Variants in CTC1 observed in about 807,000 individuals in gnomAD.
CTC1 encodes the protein CST complex subunit CTC1.
In CTC1, 91 loss-of-function variants were observed where a neutral mutation model predicts 136.3. That is an observed-to-expected ratio of 0.67 (90% CI 0.56 to 0.79). The LOEUF is 0.79. Ranked by LOEUF, CTC1 falls within the 30% of genes least tolerant of loss-of-function variation. CTC1 has a pLI of 0.00. For synonymous variants in CTC1, 606 were observed against 613.8 expected, an observed-to-expected ratio of 0.99 and a Z score of 0.19; for missense variants, 1,432 against 1,498.1, an observed-to-expected ratio of 0.96 and a Z score of 0.73.
In CTC1 at chr17:8,237,407, G is replaced by A; in HGVS notation, c.760C>T (p.Pro254Ser). 6.2e-7 allele frequency: 1 copy of A among 1,613,876 alleles called. No individual in the cohort carries two copies. Among genetic ancestry groups the A allele is most frequent in the Non-Finnish European group, 8.5e-7 (1 of 1,179,970 alleles). The change falls in exon 5 of 23, where the codon CCA becomes TCA. Residue 254 changes from proline to serine, a missense_variant. Coordinates refer to ENST00000651323, the MANE Select transcript of CTC1 (RefSeq NM_025099.6). ...YFILSLGRSH[P>S]AVTHVSIIVQ... is the part of the protein sequence containing the mutation. ...ATGATGGACACGTGGGTGACAGCTGGGTGTGATCTACCAAGAGACAGGATG... is the reference window on the plus strand; with the variant it reads ...ATGATGGACACGTGGGTGACAGCTGAGTGTGATCTACCAAGAGACAGGATG...
intron 1 of CTC1, among the ~76,000 whole-genome samples, chr17:8,246,224 AAAAAAGGAGGG>A (rs1325871407): frequency 6.6e-6 from 1 of 151,578 alleles, no homozygotes; most frequent in East Asian, 1.9e-4. Flanking sequence ...AAAAAAAAAA[AAAAAAGGAGGG>A]AGGAAGAGGA....
chr17:8,238,366 G>C, intron 3 of CTC1, 26 bp downstream of exon 3: 2 of 1,597,074 alleles, frequency 1.3e-6, no homozygotes, highest in Non-Finnish European at 1.7e-6. Flanking sequence ...AGGATCTGAG[G>C]CATCTGATCT....
chr17:8,226,722 CTT>C lies in CTC1; in HGVS notation c.*1456_*1457del, dbSNP rs1986722422. ...TTAGGGCTTCGTTTTCATCCAATGC[CTT>C]TCTTACTTCCCTTGACTGACAAACA... On this transcript the variant is annotated 3_prime_UTR_variant, in exon 23 of 23. Coordinates refer to ENST00000651323, the MANE Select transcript of CTC1 (RefSeq NM_025099.6). 6.6e-6 allele frequency: 1 copy of C among 152,204 alleles called. No individual in the cohort carries two copies. Among genetic ancestry groups the C allele is most frequent in the Non-Finnish European group, 1.5e-5 (1 of 68,036 alleles). The allele number at this position is 152,204 out of a possible 1,614,324, so 9.4% of individuals were successfully genotyped here. A position where few individuals can be genotyped will look rare whatever the true frequency, so the allele number is the denominator to read the frequency against.
intron 7 of CTC1, 160 bp from the exon 8 acceptor site, chr17:8,235,445 G>A (rs921929267): frequency 9.7e-5 from 60 of 621,376 alleles, no homozygotes; most frequent in African/African-American, 6.3e-4. Context: ...ACCCACTCCC[G>A]CTGCGGTCAG....
intron 18 of CTC1, 102 bp downstream of exon 18, chr17:8,229,789 T>A: frequency 1.1e-6 from 1 of 940,406 alleles, no homozygotes; most frequent in Non-Finnish European, 1.7e-6. Context: ...CTTGTTGGGA[T>A]TGGAGAAGAC....
In CTC1 at chr17:8,226,688, C is replaced by T. The variant is rs1307381329; in HGVS notation, c.*1492G>A. 6.6e-6 allele frequency: 1 copy of T among 152,354 alleles called. No homozygotes were observed. Among genetic ancestry groups the T allele is most frequent in the East Asian group, 1.9e-4 (1 of 5,188 alleles). 9.4% of individuals were successfully genotyped at this position (152,354 alleles called of 1,614,324 possible). ...CATCGCCTTAACCACTCGGCCACGA[C>T]TACGAGGCTTAGGGCTTCGTTTTCA... is the stretch of plus-strand genomic sequence containing the variant. On this transcript the variant is annotated 3_prime_UTR_variant, in exon 23 of 23. Transcript: ENST00000651323.
chr17:8,233,271 C>G lies in CTC1; in HGVS notation c.1819-239G>C. ...TAGAGGTTACAGGTAAGAGGCCATG[C>G]GGGATCTCACAGGACACAATGAGAC... On this transcript the variant is annotated intron_variant, in intron 10 of 22. Transcript: ENST00000651323. The G allele has an allele frequency of 6.3e-6, 3 of 472,918 alleles. No homozygotes were observed. In the South Asian group the frequency reaches 7.0e-5, roughly 11 times the overall value. The allele number at this position is 472,918 out of a possible 1,614,324, so 29.3% of individuals were successfully genotyped here. A position where few individuals can be genotyped will look rare whatever the true frequency, so the allele number is the denominator to read the frequency against.
chr17:8,239,931 C>T (rs1276235150), intron 2 of CTC1, among the ~76,000 whole-genome samples: 1 of 152,170 alleles, frequency 6.6e-6, no homozygotes, highest in African/African-American at 2.4e-5. Context: ...TACCTGTTGG[C>T]CCCTGCCATG....
At position 8,232,938 on chromosome 17, in the gene CTC1, T is replaced by C; in HGVS notation, c.1913A>G (p.His638Arg). The C allele has an allele frequency of 6.2e-7, 1 of 1,614,070 alleles. No homozygotes were observed. Among genetic ancestry groups the C allele is most frequent in the Non-Finnish European group, 8.5e-7 (1 of 1,179,998 alleles). Residue 638 changes from histidine (H) to arginine (R), a missense_variant, in exon 11 of 23, where the codon CAC becomes CGC. By Grantham distance (29) the His-to-Arg change is conservative (BLOSUM62 0). Transcript: ENST00000651323. ...CCGTGGGTCACTGAGGGGTTGAGAG[T>C]GCTTGGCCAGGAGCAGGCAGGGCAG... ...GSLPCLLLAK[H>R]SQPLSDPRLI...
At chr17:8,236,627 A>T (rs779091143) in intron 5 of CTC1, among the ~76,000 whole-genome samples, 7 of 152,204 alleles carry the variant, frequency 4.6e-5, no homozygotes, top group Non-Finnish European at 1.0e-4. Context: ...CCCGCCCCAT[A>T]ACACACAAAC....
chr17:8,231,197 T>G, intron 15 of CTC1, 79 bp downstream of exon 15: 1 of 1,121,154 alleles, frequency 8.9e-7, no homozygotes, highest in South Asian at 1.8e-5. Flanking sequence ...CAGCAGAAAA[T>G]GAAGTCTTCA....
intron 5 of CTC1, among the ~76,000 whole-genome samples, chr17:8,237,165 T>C (rs1987799709): frequency 6.6e-6 from 1 of 152,096 alleles, no homozygotes; most frequent in African/African-American, 2.4e-5. Context: ...AAAAGCTGTG[T>C]GCTCAAGTGA....
rs775445493 is a variant in CTC1, at chr17:8,226,793, T to C, written c.*1387A>G. On this transcript the variant is annotated 3_prime_UTR_variant, in exon 23 of 23. Transcript: ENST00000651323. ...CTTCAGGGAAAAAAAGACGCGGCGG[T>C]TGCACGTGAACCTTCCTTTCACCCG... 2.6e-5 allele frequency: 4 copies of C among 151,318 alleles called. No individual in the cohort carries two copies. The highest frequency in any genetic ancestry group is 9.8e-5 in the African/African-American group (4 of 40,744). 9.4% of individuals were successfully genotyped at this position (151,318 alleles called of 1,614,324 possible).
In CTC1 at chr17:8,228,095, C is replaced by A; in HGVS notation, c.*85G>T. The A allele has an allele frequency of 7.5e-7, 1 of 1,338,360 alleles. No individual in the cohort carries two copies. 82.9% of individuals were successfully genotyped at this position (1,338,360 alleles called of 1,614,324 possible). On this transcript the variant is annotated 3_prime_UTR_variant, in exon 23 of 23. Coordinates refer to ENST00000651323, the MANE Select transcript of CTC1 (RefSeq NM_025099.6). The stretch of plus-strand genomic sequence containing the variant: ...GTGAATCTGGAGTCCTTGGTTCAAT[C>A]ACAGAACAAGTAGGGAGAGGAGCCA...
At position 8,238,445 on chromosome 17, in the gene CTC1, A is replaced by G; in HGVS notation, c.382T>C (p.Cys128Arg). The G allele has an allele frequency of 6.2e-7, 1 of 1,613,966 alleles. No homozygotes were observed. Among genetic ancestry groups the G allele is most frequent in the East Asian group, 2.2e-5 (1 of 44,878 alleles). Residue 128 changes from cysteine (C) to arginine (R), a missense_variant, in exon 3 of 23, where the codon TGC becomes CGC. Coordinates refer to ENST00000651323, the MANE Select transcript of CTC1 (RefSeq NM_025099.6). ...TDLSADLEQE[C>R]RNGSLYVRDN... ...CTCACATAGAGGCTTCCGTTCCTGC[A>G]CTCTTGTTCCAAGTCTGCCGATAGG...
In CTC1 at chr17:8,238,618, A is replaced by C; in HGVS notation, c.209T>G (p.Val70Gly). 1 of 1,600,852 alleles carries C rather than the reference A, an allele frequency of 6.2e-7. No homozygotes were observed. The highest frequency in any genetic ancestry group is 8.5e-7 in the Non-Finnish European group (1 of 1,172,952). The part of the protein sequence containing the change: ...TLPLSYSFVS[V>G]QDLKTHQRLP... ...ACGCTGGTGAGTCTTGAGGTCCTGT[A>C]CTGAGACGAAGCTGTAGAGTGAAGG... Residue 70 changes from valine (V) to glycine (G), a missense_variant, in exon 3 of 23, where the codon GTA becomes GGA. By Grantham distance (109) the Val-to-Gly change is moderately radical. Transcript: ENST00000651323.
intron 2 of CTC1, among the ~76,000 whole-genome samples, chr17:8,239,651 A>C (rs748945912): frequency 1.3e-5 from 2 of 151,472 alleles, no homozygotes; most frequent in African/African-American, 4.9e-5. Flanking sequence ...CAAACTCCTG[A>C]CCTCAGGTGA....
intron 12 of CTC1, 38 bp downstream of exon 12, chr17:8,232,323 C>T: frequency 6.3e-7 from 1 of 1,598,834 alleles, no homozygotes; most frequent in East Asian, 2.2e-5. Flanking sequence ...CCTTCCTTCC[C>T]CCCAGACTCA....
chr17:8,246,907 A>AAC (rs145222612), intron 1 of CTC1, among the ~76,000 whole-genome samples: 3,598 of 149,978 alleles, frequency 0.024, 65 homozygotes, highest in African/African-American at 0.044. Flanking sequence ...TCCGTCTCAA[A>AAC]ACACACACAC....
Sources: allele counts gnomAD v4.1 joint callset (sites outside exome capture counted in the v4.1 genomes callset), GRCh38; gene constraint gnomAD v4.1.1; transcripts MANE v1.5; gene names NCBI Gene and HGNC (gene_info 2026-07-23, HGNC 2026-07-21).